CHN2: variants seen among roughly 807,000 people sequenced by gnomAD.
CHN2 encodes the protein chimerin 2, also known as beta-chimaerin.
CHN2 carries 35 observed loss-of-function variants against 56.3 expected under a neutral mutation model. The ratio of observed to expected loss-of-function variants is 0.62; its 90% CI spans 0.47 to 0.82. The LOEUF (loss-of-function observed/expected upper bound fraction) is 0.82, where lower values mean the gene tolerates loss of function less well. Among genes scored for constraint, CHN2 ranks in the 40% least tolerant of loss-of-function variants. The pLI, the probability that CHN2 is intolerant of heterozygous loss-of-function variation, is 0.00. For synonymous variants in CHN2, 210 were observed against 212.8 expected, an observed-to-expected ratio of 0.99 and a Z score of 0.12; for missense variants, 491 against 580.5, an observed-to-expected ratio of 0.85 and a Z score of 1.58.
chr7:29,470,562 T>C (rs1166331980), intron 6 of CHN2, among the ~76,000 whole-genome samples: 1 of 152,208 alleles, frequency 6.6e-6, no homozygotes, highest in Admixed American at 6.5e-5. Context: ...AATTTGATTT[T>C]TTTTTCTGTA....
At chr7:29,467,899 T>C (rs181167869) in intron 6 of CHN2, among the ~76,000 whole-genome samples, 1 of 152,254 alleles carries the variant, frequency 6.6e-6, no homozygotes, top group Non-Finnish European at 1.5e-5. Flanking sequence ...TTTTTTTCTG[T>C]TTTGTTGCTG....
chr7:29,169,090 C>G (rs879686028), intron 2 of CHN2, among the ~76,000 whole-genome samples: 1 of 151,696 alleles, frequency 6.6e-6, no homozygotes, highest in East Asian at 1.9e-4. Flanking sequence ...ATTTATCTCC[C>G]ATAGAATAAA....
chr7:29,185,579 A>G (rs1407301157), intron 2 of CHN2: 1 of 151,542 alleles, frequency 6.6e-6, no homozygotes, highest in Non-Finnish European at 1.5e-5. Flanking sequence ...ATCAAACCTT[A>G]GCAGCATATC....
chr7:29,401,263 G>T, intron 6 of CHN2: 1 of 152,868 alleles, frequency 6.5e-6, no homozygotes, highest in Non-Finnish European at 1.4e-5. Context: ...GCGAGACTCC[G>T]TCTCAAAAAA....
chr7:29,190,700 C>G (rs184354389), upstream of CHN2, among the ~76,000 whole-genome samples: 1 of 152,096 alleles, frequency 6.6e-6, no homozygotes, highest in African/African-American at 2.4e-5. Flanking sequence ...CTTACATGAC[C>G]GTCAAGTTCT....
chr7:29,194,899 C>T lies in CHN2; in HGVS notation c.-43C>T. On this transcript the variant is annotated 5_prime_UTR_variant, in exon 1 of 13. Transcript: ENST00000222792. ...GGGCGAGGGCAGCGGCGGCGGCGTC[C>T]GCACCGGGGCTGAGCGAGCAGCGAC... is the stretch of plus-strand genomic sequence containing the variant. The T allele has an allele frequency of 6.9e-7, 1 of 1,451,410 alleles. No homozygotes were observed. Among genetic ancestry groups the T allele is most frequent in the African/African-American group, 1.5e-5 (1 of 67,814 alleles). 89.9% of individuals were successfully genotyped at this position (1,451,410 alleles called of 1,614,324 possible).
chr7:29,276,818 C>T (rs1360111799), intron 1 of CHN2, among the ~76,000 whole-genome samples: 1 of 152,276 alleles, frequency 6.6e-6, no homozygotes, highest in Non-Finnish European at 1.5e-5. Flanking sequence ...CAGGACCCCA[C>T]AGGTAGAGGA....
intron 6 of CHN2, among the ~76,000 whole-genome samples, chr7:29,461,798 G>C (rs981555854): frequency 6.6e-6 from 1 of 150,966 alleles, no homozygotes; most frequent in East Asian, 2.0e-4. Context: ...CTGGTTTGTT[G>C]GTTAACTGGT....
chr7:29,437,597 C>CAAAA (rs11436612), intron 6 of CHN2, among the ~76,000 whole-genome samples: 5 of 52,624 alleles, frequency 9.5e-5, no homozygotes, highest in South Asian at 5.1e-4. Context: ...GACTCCGTCT[C>CAAAA]AAAAAAAAAA....
intron 5 of CHN2, chr7:29,400,255 A>G (rs1012020627): frequency 4.7e-5 from 21 of 448,892 alleles, no homozygotes; most frequent in East Asian, 2.8e-4. Flanking sequence ...AAACGACTCC[A>G]TGTGATGTCC....
intron 1 of CHN2, chr7:29,208,755 A>G (rs1784710586): frequency 6.6e-6 from 1 of 152,196 alleles, no homozygotes; most frequent in African/African-American, 2.4e-5. Context: ...CAATTATTGT[A>G]AGGATTAGGA....
Position 29,195,444 on chromosome 7 carries a change from CTTTG to C in CHN2, c.49+462_49+465del, listed in dbSNP as rs563046725. 149 of 166,732 alleles carry C rather than the reference CTTTG, an allele frequency of 8.9e-4. 1 individual carries two copies. Among genetic ancestry groups the C allele is most frequent in the African/African-American group, 3.3e-3 (140 of 41,994 alleles). The allele number at this position is 166,732 out of a possible 1,614,324, so 10.3% of individuals were successfully genotyped here. On this transcript the variant is annotated intron_variant, in intron 1 of 12. Transcript: ENST00000222792. The stretch of plus-strand genomic sequence containing the variant: ...CCTCGCTCCTCGCAGACTTGATTTT[CTTTG>C]TTTGTTTCAGAAATTAGCTCTATGG...
At chr7:29,227,645 G>A (rs1028921818) in intron 1 of CHN2, among the ~76,000 whole-genome samples, 1 of 152,166 alleles carries the variant, frequency 6.6e-6, no homozygotes, top group Non-Finnish European at 1.5e-5. Context: ...CCTGGGACCC[G>A]AGATAGACCA....
chr7:29,329,008 G>A (rs957210279), intron 1 of CHN2, among the ~76,000 whole-genome samples: 6 of 152,106 alleles, frequency 3.9e-5, no homozygotes, highest in African/African-American at 1.4e-4. Flanking sequence ...ACTACCTGAA[G>A]AATCATGCTC....
intron 4 of CHN2, among the ~76,000 whole-genome samples, chr7:29,394,752 T>TA (rs1163577296): frequency 3.3e-5 from 5 of 152,158 alleles, no homozygotes; most frequent in African/African-American, 7.2e-5. Flanking sequence ...ACAATTAATT[T>TA]AAAAAAATAG....
chr7:29,437,979 A>G (rs1417597752), intron 6 of CHN2, among the ~76,000 whole-genome samples: 1 of 152,188 alleles, frequency 6.6e-6, no homozygotes, highest in Non-Finnish European at 1.5e-5. Flanking sequence ...TCTAGATGAT[A>G]CTTTAACGAA....
Position 29,499,970 on chromosome 7 carries a change from A to G in CHN2, c.843A>G (p.Thr281=). The change falls in exon 9 of 13, where the codon ACA becomes ACG. Residue 281 remains threonine (T), a synonymous_variant. Transcript: ENST00000222792. The stretch of plus-strand genomic sequence containing the variant: ...AAGTGTACTGTTGTGACCTCACAAC[A>G]CTTGTGAAGGCTCACAACACTCAGA... ...IKKVYCCDLT[T]LVKAHNTQRP... is the part of the protein sequence containing the mutation. The G allele has an allele frequency of 6.2e-7, 1 of 1,610,130 alleles. No homozygotes were observed. The highest frequency in any genetic ancestry group is 8.5e-7 in the Non-Finnish European group (1 of 1,178,394).
rs527597223 is a variant in CHN2 at position 29,471,785 on chromosome 7, C to T, written c.577-8494C>T. 5.9e-5 allele frequency among the ~76,000 whole-genome samples: 9 copies of T among 152,272 alleles called. No homozygotes were observed. In the East Asian group the frequency reaches 1.7e-3, roughly 29 times the overall value. ...AGTTTTAGGACTGAGCCAGGTTAAT[C>T]GTTGACACCTGATGCTTAAATGGCC... On this transcript the variant is annotated intron_variant, in intron 6 of 12. Coordinates refer to ENST00000222792, the MANE Select transcript of CHN2 (RefSeq NM_004067.4).
At chr7:29,399,939 A>G (rs1458177039) in intron 5 of CHN2, among the ~76,000 whole-genome samples, 1 of 152,140 alleles carries the variant, frequency 6.6e-6, no homozygotes, top group Non-Finnish European at 1.5e-5. Flanking sequence ...GGGAACCTCT[A>G]GGTTAGATTG....
Sources: allele counts gnomAD v4.1 joint callset (sites outside exome capture counted in the v4.1 genomes callset), GRCh38; gene constraint gnomAD v4.1.1; transcripts MANE v1.5; gene names NCBI Gene and HGNC (gene_info 2026-07-23, HGNC 2026-07-21).